Variants in ELL observed in about 807,000 individuals in gnomAD.
The protein encoded by ELL is elongation factor for RNA polymerase II, also known as RNA polymerase II elongation factor ELL.
In ELL, 18 loss-of-function variants were observed where a neutral mutation model predicts 64.0. The observed-to-expected ratio is 0.28, with a 90% CI of 0.19 to 0.42. The LOEUF (loss-of-function observed/expected upper bound fraction) is 0.42, where lower values mean the gene tolerates loss of function less well. Ranked by LOEUF, ELL falls within the 10% of genes least tolerant of loss-of-function variation. The pLI, the probability that ELL is intolerant of heterozygous loss-of-function variation, is 1.00. For synonymous variants in ELL, 399 were observed against 376.2 expected, an observed-to-expected ratio of 1.06 and a Z score of -0.70; for missense variants, 797 against 870.4, an observed-to-expected ratio of 0.92 and a Z score of 1.06.
chr19:18,507,744 A>G (rs558084634), intron 1 of ELL, among the ~76,000 whole-genome samples: 5 of 152,274 alleles, frequency 3.3e-5, no homozygotes, highest in African/African-American at 1.2e-4. Context: ...TGTGTAGGAG[A>G]TTGCACTGTG....
At chr19:18,451,710 G>A (rs1600427964) in intron 6 of ELL, 62 bp from the exon 7 acceptor site, 4 of 1,323,994 alleles carry the variant, frequency 3.0e-6, no homozygotes, top group African/African-American at 3.1e-5. Flanking sequence ...CCCCAGGCCT[G>A]TATCCACATG....
chr19:18,483,100 A>G (rs983135067), intron 1 of ELL, among the ~76,000 whole-genome samples: 3 of 151,848 alleles, frequency 2.0e-5, no homozygotes, highest in Non-Finnish European at 4.4e-5. Context: ...AAATAGCTCT[A>G]TTTTAGGAAA....
chr19:18,444,584 TG>T lies in ELL; in HGVS notation c.*167del. 2 of 652,644 alleles carry T rather than the reference TG, an allele frequency of 3.1e-6. No homozygotes were observed. Among genetic ancestry groups the T allele is most frequent in the South Asian group, 4.0e-5 (2 of 49,636 alleles). The allele number at this position is 652,644 out of a possible 1,614,324, so 40.4% of individuals were successfully genotyped here. Reference sequence around the variant, plus strand: ...TCAGGAAGCGCAGGGAGGGCCGAGGTGGGCTTGCAGCCACCCGCCAGGGCCA... The same window carrying T: ...TCAGGAAGCGCAGGGAGGGCCGAGGTGGCTTGCAGCCACCCGCCAGGGCCA... On this transcript the variant is annotated 3_prime_UTR_variant, in exon 12 of 12. Coordinates refer to ENST00000262809, the MANE Select transcript of ELL (RefSeq NM_006532.4).
At chr19:18,447,407 C>T (rs1974438095) in intron 8 of ELL, among the ~76,000 whole-genome samples, 1 of 152,268 alleles carries the variant, frequency 6.6e-6, no homozygotes, top group African/African-American at 2.4e-5. Flanking sequence ...CACTGAATTG[C>T]ACGCTCCACA....
chr19:18,491,414 A>G (rs1017001920), intron 1 of ELL, among the ~76,000 whole-genome samples: 1 of 151,808 alleles, frequency 6.6e-6, no homozygotes, highest in African/African-American at 2.4e-5. Flanking sequence ...TGCCAGGCCA[A>G]AATCAGTAGA....
intron 1 of ELL, among the ~76,000 whole-genome samples, chr19:18,505,291 T>C (rs1054639279): frequency 4.6e-5 from 7 of 152,218 alleles, no homozygotes; most frequent in African/African-American, 1.7e-4. Context: ...AGGCTCTTGT[T>C]AGGACTGAAG....
chr19:18,506,998 T>C (rs1429230925), intron 1 of ELL, among the ~76,000 whole-genome samples: 2 of 152,008 alleles, frequency 1.3e-5, no homozygotes, highest in African/African-American at 4.8e-5. Flanking sequence ...TCCAGGCACA[T>C]GGCCCTCGAC....
At chr19:18,495,546 G>A (rs548550484) in intron 1 of ELL, among the ~76,000 whole-genome samples, 1 of 152,278 alleles carries the variant, frequency 6.6e-6, no homozygotes, top group Admixed American at 6.5e-5. Flanking sequence ...TGGAAGCAGC[G>A]CCCCGCATGA....
At chr19:18,519,613 C>T (rs886698481) in intron 1 of ELL, among the ~76,000 whole-genome samples, 2 of 152,138 alleles carry the variant, frequency 1.3e-5, no homozygotes, top group South Asian at 2.1e-4. Context: ...TCAAGACCAG[C>T]CTGGCCAACA....
At chr19:18,451,441 G>C in intron 7 of ELL, 111 bp downstream of exon 7, 2 of 1,035,524 alleles carry the variant, frequency 1.9e-6, no homozygotes, top group Non-Finnish European at 2.6e-6. Flanking sequence ...GGCTCAACTT[G>C]GAGCAGCTCA....
chr19:18,495,071 T>A (rs1006502750), intron 1 of ELL, among the ~76,000 whole-genome samples: 1 of 152,164 alleles, frequency 6.6e-6, no homozygotes, highest in Non-Finnish European at 1.5e-5. Context: ...GAGACAGATG[T>A]GGCCCTGCCC....
chr19:18,509,171 A>G (rs1012345039), intron 1 of ELL, among the ~76,000 whole-genome samples: 1 of 151,990 alleles, frequency 6.6e-6, no homozygotes, highest in Non-Finnish European at 1.5e-5. Context: ...GCCCTTCCCC[A>G]CAGCAGCCAG....
intron 1 of ELL, among the ~76,000 whole-genome samples, chr19:18,513,508 G>A (rs1334698747): frequency 1.3e-5 from 2 of 152,170 alleles, no homozygotes; most frequent in African/African-American, 4.8e-5. Flanking sequence ...GGGTGCAAAG[G>A]TGTCAACAGA....
chr19:18,462,179 A>AGTGTGTGTGTGTGTGT (rs758119031), intron 4 of ELL, among the ~76,000 whole-genome samples: 17 of 120,044 alleles, frequency 1.4e-4, no homozygotes, highest in Non-Finnish European at 2.4e-4. Context: ...TCTGGTGGGC[A>AGTGTGTGTGTGTGTGT]GTGTGTGTGT....
chr19:18,446,654 G>A, intron 9 of ELL, 94 bp downstream of exon 9: 1 of 1,534,410 alleles, frequency 6.5e-7, no homozygotes, highest in Non-Finnish European at 8.9e-7. Context: ...CAGACTTGCA[G>A]TGGCTTCTAC....
At chr19:18,467,388 C>G (rs1332415076) in intron 2 of ELL, among the ~76,000 whole-genome samples, 1 of 152,024 alleles carries the variant, frequency 6.6e-6, no homozygotes, top group Non-Finnish European at 1.5e-5. Context: ...TTGTCCCTGT[C>G]ATGCTGATAC....
intron 1 of ELL, among the ~76,000 whole-genome samples, chr19:18,500,439 G>T (rs772499103): frequency 6.6e-6 from 1 of 152,138 alleles, no homozygotes; most frequent in South Asian, 2.1e-4. Flanking sequence ...CTTCACAGCC[G>T]CTCCATCAAC....
Position 18,446,473 on chromosome 19 carries a change from C to T in ELL, c.1540G>A (p.Ala514Thr), listed in dbSNP as rs1019745000. 4.3e-6 allele frequency: 7 copies of T among 1,611,626 alleles called. No individual in the cohort carries two copies. Among genetic ancestry groups the T allele is most frequent in the African/African-American group, 2.7e-5 (2 of 74,934 alleles). The change falls in exon 10 of 12, where the codon GCA (alanine) becomes ACA (threonine). Residue 514 changes from alanine to threonine, a missense_variant. Transcript: ENST00000262809. ...SETPDYLLKYAAISSSEQRQS... is the reference protein window; with the variant it reads ...SETPDYLLKYTAISSSEQRQS... The stretch of plus-strand genomic sequence containing the variant: ...CGCTGCTCCGAAGAGGAGATGGCTG[C>T]GTACTTCCTGAAACAGGAGAGAGGG...
At chr19:18,496,663 G>C (rs1044095674) in intron 1 of ELL, among the ~76,000 whole-genome samples, 4 of 152,248 alleles carry the variant, frequency 2.6e-5, no homozygotes, top group Admixed American at 1.3e-4. Flanking sequence ...CCTGCCAGCA[G>C]GTGGGGCCAG....
Sources: allele counts gnomAD v4.1 joint callset (sites outside exome capture counted in the v4.1 genomes callset), GRCh38; gene constraint gnomAD v4.1.1; transcripts MANE v1.5; gene names NCBI Gene and HGNC (gene_info 2026-07-23, HGNC 2026-07-21).